Variants in DOCK1 observed in about 807,000 individuals in gnomAD.
The protein encoded by DOCK1 is dedicator of cytokinesis protein 1.
A neutral mutation model predicts 262.7 loss-of-function variants in DOCK1; 138 were observed. The observed-to-expected ratio is 0.53, with a 90% CI of 0.46 to 0.61. The LOEUF (loss-of-function observed/expected upper bound fraction) is 0.61. Ranked by LOEUF, DOCK1 falls within the 20% of genes least tolerant of loss-of-function variation. The pLI, the probability that DOCK1 is intolerant of heterozygous loss-of-function variation, is 0.00. For missense variants in DOCK1, 1,908 were observed against 2,370.7 expected, an observed-to-expected ratio of 0.80 and a Z score of 4.05; for synonymous variants, 866 against 867.4, an observed-to-expected ratio of 1.00 and a Z score of 0.03.
chr10:127,365,855 G>A (rs1219809508), intron 33 of DOCK1, among the ~76,000 whole-genome samples: 1 of 152,166 alleles, frequency 6.6e-6, no homozygotes, highest in African/African-American at 2.4e-5. Context: ...AAGTTAACGA[G>A]AGCCACAGAA....
At chr10:127,196,380 C>T (rs1423949889) in intron 27 of DOCK1, among the ~76,000 whole-genome samples, 2 of 148,742 alleles carry the variant, frequency 1.3e-5, no homozygotes, top group South Asian at 4.1e-4. Flanking sequence ...CGCGCTCCTC[C>T]GATGTCCTCA....
chr10:127,279,442 C>T (rs2060864538), intron 29 of DOCK1, among the ~76,000 whole-genome samples: 5 of 152,202 alleles, frequency 3.3e-5, no homozygotes, highest in Admixed American at 2.6e-4. Flanking sequence ...CTTTGCTTGA[C>T]TCCAGAGTCC....
intron 29 of DOCK1, among the ~76,000 whole-genome samples, chr10:127,314,925 C>T (rs1186294051): frequency 6.6e-6 from 1 of 152,204 alleles, no homozygotes; most frequent in Non-Finnish European, 1.5e-5. Context: ...TTCTGCCACT[C>T]ACATGGGCAG....
chr10:126,984,220 T>C (rs1380613005), intron 4 of DOCK1, among the ~76,000 whole-genome samples: 1 of 152,218 alleles, frequency 6.6e-6, no homozygotes, highest in Non-Finnish European at 1.5e-5. Context: ...CCCTGATTTG[T>C]CTCTTGACCC....
intron 50 of DOCK1, among the ~76,000 whole-genome samples, chr10:127,445,618 T>C (rs1166607737): frequency 6.6e-6 from 1 of 152,194 alleles, no homozygotes; most frequent in East Asian, 1.9e-4. Context: ...AAGTTCAATG[T>C]AGAATAAACC....
At chr10:127,353,393 C>T (rs1377019399) in intron 31 of DOCK1, among the ~76,000 whole-genome samples, 1 of 152,184 alleles carries the variant, frequency 6.6e-6, no homozygotes, top group Admixed American at 6.5e-5. Flanking sequence ...CGTGTGTTTC[C>T]TGGGCAATTG....
chr10:127,061,948 T>C (rs1240877986), intron 23 of DOCK1, among the ~76,000 whole-genome samples, 172 bp downstream of exon 23: 3 of 147,162 alleles, frequency 2.0e-5, no homozygotes, highest in Admixed American at 6.8e-5. Context: ...TTTTTTTTTT[T>C]TTTTTTGAGA....
At chr10:127,328,699 G>A (rs1417315560) in intron 29 of DOCK1, among the ~76,000 whole-genome samples, 1 of 152,172 alleles carries the variant, frequency 6.6e-6, no homozygotes, top group Admixed American at 6.5e-5. Context: ...GTCTGGGTGT[G>A]TGTTTGTTTA....
intron 47 of DOCK1, among the ~76,000 whole-genome samples, chr10:127,432,704 C>G (rs899019028): frequency 2.0e-5 from 3 of 152,132 alleles, no homozygotes; most frequent in African/African-American, 7.2e-5. Context: ...CAATGCATCA[C>G]TAGTTCACTA....
At chr10:127,172,626 T>G (rs2054682788) in intron 27 of DOCK1, among the ~76,000 whole-genome samples, 1 of 152,200 alleles carries the variant, frequency 6.6e-6, no homozygotes, top group South Asian at 2.1e-4. Flanking sequence ...TGGCACTTGA[T>G]TCTTTGCTAT....
intron 27 of DOCK1, among the ~76,000 whole-genome samples, chr10:127,219,291 A>G (rs2058333044): frequency 6.6e-6 from 1 of 152,168 alleles, no homozygotes; most frequent in Non-Finnish European, 1.5e-5. Flanking sequence ...TTATCAAAGC[A>G]GTATTATATT....
chr10:127,027,164 GAGT>G (rs1260796473), intron 16 of DOCK1, among the ~76,000 whole-genome samples: 5 of 152,382 alleles, frequency 3.3e-5, no homozygotes, highest in Admixed American at 2.6e-4. Flanking sequence ...TAAAGGAAAA[GAGT>G]GGTGTGGAGG....
chr10:127,090,894 T>C (rs1379256858), intron 23 of DOCK1, among the ~76,000 whole-genome samples: 1 of 152,166 alleles, frequency 6.6e-6, no homozygotes, highest in East Asian at 1.9e-4. Flanking sequence ...TATCTCTGGA[T>C]GCACACCTGG....
rs1170246034 is a variant in DOCK1, at chr10:127,186,504, ACCGCCCCCCCGC to A, written c.2847+58743_2847+58754del. 3.8e-3 allele frequency among the ~76,000 whole-genome samples: 34 copies of A among 9,024 alleles called. 11 individuals carry two copies. The South Asian group carries it at 0.15, about 41-fold the overall frequency. The allele number at this position is 9,024 out of a possible 152,430, so 5.9% of individuals were successfully genotyped here. A position where few individuals can be genotyped will look rare whatever the true frequency, so the allele number is the denominator to read the frequency against. On this transcript the variant is annotated intron_variant, in intron 27 of 51. Transcript: ENST00000623213. ...CAATCATGATAACAGCATGGGAGAA[ACCGCCCCCCCGC>A]CCCCCCCCGATCCAGTTACCTCCAC...
chr10:127,305,752 A>T (rs2061850038), intron 29 of DOCK1, among the ~76,000 whole-genome samples: 2 of 152,206 alleles, frequency 1.3e-5, no homozygotes, highest in Admixed American at 1.3e-4. Flanking sequence ...TTGAGACAGC[A>T]ATTTGCTGTG....
At chr10:127,372,684 C>T (rs547842900) in intron 33 of DOCK1, among the ~76,000 whole-genome samples, 5 of 152,286 alleles carry the variant, frequency 3.3e-5, no homozygotes, top group African/African-American at 9.6e-5. Context: ...TAACAGCAGG[C>T]GGCTTGAGAA....
chr10:126,960,723 AATATATAT>A (rs1159655828), intron 1 of DOCK1, among the ~76,000 whole-genome samples: 6 of 134,658 alleles, frequency 4.5e-5, no homozygotes, highest in Non-Finnish European at 9.5e-5. Context: ...CCTACCCTCA[AATATATAT>A]ATATATATAT....
rs1345254491 is a variant in DOCK1 at position 127,263,707 on chromosome 10, C to G, written c.3044+6278C>G. 2.1e-5 allele frequency among the ~76,000 whole-genome samples: 3 copies of G among 142,718 alleles called. No homozygotes were observed. In the East Asian group the frequency reaches 6.3e-4, roughly 30 times the overall value. The allele number at this position is 142,718 out of a possible 152,430, so 93.6% of individuals were successfully genotyped here. Reference sequence around the variant, plus strand: ...ACATGCTGGTATCCATCCTGGAACTCTTATTAGCTGACTTGCTCGGATTCA... The same window carrying G: ...ACATGCTGGTATCCATCCTGGAACTGTTATTAGCTGACTTGCTCGGATTCA... On this transcript the variant is annotated intron_variant, in intron 29 of 51. Transcript: ENST00000623213.
chr10:127,128,264 C>T lies in DOCK1; in HGVS notation c.2847+500C>T, dbSNP rs573807441. Among the ~76,000 whole-genome samples, 16 of 151,676 alleles carry T rather than the reference C, an allele frequency of 1.1e-4. No homozygotes were observed. In the East Asian group the frequency reaches 2.9e-3, roughly 28 times the overall value. ...TCATGGTGCCTTTTCCCAGGGTTCA[C>T]TGCTGTCCTCTGCACCCCCTTACCT... On this transcript the variant is annotated intron_variant, in intron 27 of 51. Coordinates refer to ENST00000623213, the MANE Select transcript of DOCK1 (RefSeq NM_001290223.2).
Sources: allele counts gnomAD v4.1 joint callset (sites outside exome capture counted in the v4.1 genomes callset), GRCh38; gene constraint gnomAD v4.1.1; transcripts MANE v1.5; gene names NCBI Gene and HGNC (gene_info 2026-07-23, HGNC 2026-07-21).